Variants in WASHC5 observed in about 807,000 individuals in gnomAD.
WASHC5 encodes WASH complex subunit 5.
A neutral mutation model predicts 150.4 loss-of-function variants in WASHC5; 101 were observed. The observed-to-expected ratio is 0.67, with a 90% CI of 0.57 to 0.79. The LOEUF is 0.79. WASHC5 is among the 30% of genes least tolerant of loss of function. WASHC5 has a pLI of 0.00. For synonymous variants in WASHC5, 467 were observed against 491.2 expected (o/e 0.95, Z 0.65); for missense variants, 1,195 against 1,396.3 (o/e 0.86, Z 2.30).
chr8:125,087,178 T>C (rs1178040073), intron 1 of WASHC5, among the ~76,000 whole-genome samples: 2 of 152,230 alleles, frequency 1.3e-5, no homozygotes, highest in African/African-American at 2.4e-5. Flanking sequence ...ATGCTGTTAT[T>C]GTGATATTTC....
intron 20 of WASHC5, among the ~76,000 whole-genome samples, chr8:125,045,475 T>G (rs759095858): frequency 2.6e-5 from 4 of 152,068 alleles, no homozygotes; most frequent in Non-Finnish European, 5.9e-5. Context: ...GGACCCTGAG[T>G]CCCTGGTAGA....
At chr8:125,029,931 C>T (rs1448060462) in intron 27 of WASHC5, among the ~76,000 whole-genome samples, 1 of 152,132 alleles carries the variant, frequency 6.6e-6, no homozygotes, top group South Asian at 2.1e-4. Flanking sequence ...AATCTGTGAC[C>T]AGGGCTATAT....
intron 20 of WASHC5, chr8:125,044,933 A>G: frequency 1.8e-6 from 1 of 544,762 alleles, no homozygotes. Context: ...CATTGGTTTC[A>G]GTCATTTATT....
intron 11 of WASHC5, 91 bp downstream of exon 11, chr8:125,063,431 C>T (rs947498156): frequency 8.4e-6 from 11 of 1,311,916 alleles, no homozygotes; most frequent in South Asian, 1.2e-5. Context: ...ATAATGAGAA[C>T]ATAAAGTCTT....
rs1214189349 is a variant in WASHC5 at position 125,067,548 on chromosome 8, T to C, written c.1278+44A>G. 5.2e-6 allele frequency: 8 copies of C among 1,524,422 alleles called. No homozygotes were observed. In the Admixed American group the frequency reaches 6.7e-5, roughly 13 times the overall value. 94.4% of individuals were successfully genotyped at this position (1,524,422 alleles called of 1,614,324 possible). A position where few individuals can be genotyped will look rare whatever the true frequency, so the allele number is the denominator to read the frequency against. ...TTTTTTTAAAAAATATTTTTAAGCA[T>C]AAAAAAGCTAAGACTGTGGTGATAT... On this transcript the variant is annotated intron_variant, in intron 10 of 28. Coordinates refer to ENST00000318410, the MANE Select transcript of WASHC5 (RefSeq NM_014846.4).
At chr8:125,032,157 G>T in intron 27 of WASHC5, 84 bp downstream of exon 27, 1 of 1,462,532 alleles carries the variant, frequency 6.8e-7, no homozygotes, top group Non-Finnish European at 9.6e-7. Context: ...CTCTATTAGG[G>T]CGATAAGAGG....
intron 26 of WASHC5, among the ~76,000 whole-genome samples, chr8:125,034,973 T>C (rs1815655950): frequency 6.6e-6 from 1 of 152,230 alleles, no homozygotes; most frequent in African/African-American, 2.4e-5. Flanking sequence ...ATAAATGTTT[T>C]TCGGATATAC....
At chr8:125,059,581 T>G (rs1252006517) in intron 12 of WASHC5, 39 bp from the exon 13 acceptor site, 1 of 1,467,806 alleles carries the variant, frequency 6.8e-7, no homozygotes, top group African/African-American at 1.4e-5. Flanking sequence ...AAATCCTGAA[T>G]GGACTCTATG....
chr8:125,027,183 C>T (rs1271897785), intron 28 of WASHC5, among the ~76,000 whole-genome samples: 1 of 152,076 alleles, frequency 6.6e-6, no homozygotes, highest in Non-Finnish European at 1.5e-5. Flanking sequence ...AGCTTGTTTT[C>T]TGATCTCTGT....
chr8:125,048,084 T>C (rs1816127609), intron 19 of WASHC5, among the ~76,000 whole-genome samples: 3 of 152,096 alleles, frequency 2.0e-5, no homozygotes, highest in South Asian at 4.1e-4. Context: ...ACATATAACA[T>C]TTATAAAAAA....
rs1248628341 is a variant in WASHC5, at chr8:125,038,845, G to T, written c.3069C>A (p.His1023Gln). 1 of 1,614,040 alleles carries T rather than the reference G, an allele frequency of 6.2e-7. No homozygotes were observed. Among genetic ancestry groups the T allele is most frequent in the Admixed American group, 1.7e-5 (1 of 60,020 alleles). ...AATTACTCACCTTATTCAGTGGGTT[G>T]TGAATGCCAGCTGCCTCCAGATAGG... is the stretch of plus-strand genomic sequence containing the variant. ...ITAYLEAAGI[H>Q]NPLNKIYITT... The change falls in exon 25 of 29, where the codon CAC becomes CAA. Residue 1023 changes from histidine to glutamine, a missense_variant. Coordinates refer to ENST00000318410, the MANE Select transcript of WASHC5 (RefSeq NM_014846.4).
intron 24 of WASHC5, 55 bp downstream of exon 24, chr8:125,039,740 G>T: frequency 8.4e-7 from 1 of 1,188,540 alleles, no homozygotes; most frequent in Non-Finnish European, 1.3e-6. Context: ...ACTGGGGTGC[G>T]TAGATAATAA....
chr8:125,076,220 C>A lies in WASHC5; in HGVS notation c.864+128G>T, dbSNP rs887912932. ...TATAAAATTCTCAATACAGTTAGAG[C>A]AAGTTTACCTAAGTGATGTTATGTC... On this transcript the variant is annotated intron_variant, in intron 7 of 28. Transcript: ENST00000318410. 6.3e-5 allele frequency: 53 copies of A among 835,248 alleles called. No homozygotes were observed. The African/African-American group carries it at 7.4e-4, about 12-fold the overall frequency. The allele number at this position is 835,248 out of a possible 1,614,324, so 51.7% of individuals were successfully genotyped here. A position where few individuals can be genotyped will look rare whatever the true frequency, so the allele number is the denominator to read the frequency against.
At chr8:125,070,937 A>C (rs533929468) in intron 9 of WASHC5, among the ~76,000 whole-genome samples, 1 of 152,358 alleles carries the variant, frequency 6.6e-6, no homozygotes, top group East Asian at 1.9e-4. Flanking sequence ...AAGTGGAAGC[A>C]GACGGTAGCT....
Position 125,059,607 on chromosome 8 carries a change from T to C in WASHC5, c.1522-65A>G, listed in dbSNP as rs566216811. On this transcript the variant is annotated intron_variant, in intron 12 of 28. Transcript: ENST00000318410. ...GGACTCTATGGTGCTCATTTGTTCT[T>C]GAAAACACTTCAAATAAAGCACACT... The C allele has an allele frequency of 5.0e-6, 6 of 1,204,886 alleles. No individual in the cohort carries two copies. In the Admixed American group the frequency reaches 7.0e-5, roughly 14 times the overall value. 74.6% of individuals were successfully genotyped at this position (1,204,886 alleles called of 1,614,324 possible).
At chr8:125,039,613 G>A (rs969332944) in intron 24 of WASHC5, among the ~76,000 whole-genome samples, 182 bp downstream of exon 24, 5 of 152,144 alleles carry the variant, frequency 3.3e-5, no homozygotes, top group East Asian at 1.9e-4. Flanking sequence ...AGAGATAAAC[G>A]GAGGGACAAT....
At chr8:125,052,291 T>G (rs1816261677) in intron 17 of WASHC5, among the ~76,000 whole-genome samples, 2 of 152,210 alleles carry the variant, frequency 1.3e-5, no homozygotes, top group East Asian at 1.9e-4. Context: ...AAAGATCGCA[T>G]GCGGCTCTTC....
At chr8:125,047,441 G>GT in intron 19 of WASHC5, 110 bp from the exon 20 acceptor site, 7 of 1,165,464 alleles carry the variant, frequency 6.0e-6, no homozygotes, top group Admixed American at 2.0e-5. Context: ...GACAATAAAG[G>GT]TTGTTTTTTT....
Position 125,024,301 on chromosome 8 carries a change from G to C in WASHC5, c.*316C>G. 2.6e-6 allele frequency: 1 copy of C among 383,932 alleles called. No homozygotes were observed. The highest frequency in any genetic ancestry group is 4.8e-6 in the Non-Finnish European group (1 of 206,814). The allele number at this position is 383,932 out of a possible 1,614,324, so 23.8% of individuals were successfully genotyped here. A position where few individuals can be genotyped will look rare whatever the true frequency, so the allele number is the denominator to read the frequency against. On this transcript the variant is annotated 3_prime_UTR_variant, in exon 29 of 29. Coordinates refer to ENST00000318410, the MANE Select transcript of WASHC5 (RefSeq NM_014846.4). ...ACTATTTTACTGAAAATCTGGAGTT[G>C]CACAAATAGTTCTTTAGAACATAAA...
Sources: allele counts gnomAD v4.1 joint callset (sites outside exome capture counted in the v4.1 genomes callset), GRCh38; gene constraint gnomAD v4.1.1; transcripts MANE v1.5; gene names NCBI Gene and HGNC (gene_info 2026-07-23, HGNC 2026-07-21).